Variants in DPP6 observed in about 807,000 individuals in gnomAD.
The protein encoded by DPP6 is dipeptidyl peptidase like 6, also known as A-type potassium channel modulatory protein DPP6.
Under a neutral mutation model 122.6 loss-of-function variants are expected in DPP6, and 69 were observed. The ratio of observed to expected loss-of-function variants is 0.56; its 90% CI spans 0.46 to 0.69. DPP6 has a LOEUF of 0.69. Among genes scored for constraint, DPP6 ranks in the 30% least tolerant of loss-of-function variants. The pLI is 0.00. For synonymous variants in DPP6, 418 were observed against 433.1 expected (o/e 0.97, Z 0.43); for missense variants, 928 against 1,116.9 (o/e 0.83, Z 2.41).
At chr7:154,352,287 C>T (rs1810926293) in intron 1 of DPP6, among the ~76,000 whole-genome samples, 1 of 151,910 alleles carries the variant, frequency 6.6e-6, no homozygotes, top group Admixed American at 6.6e-5. Flanking sequence ...CACAGTGAGA[C>T]ATCATCTCTA....
intron 1 of DPP6, among the ~76,000 whole-genome samples, chr7:154,315,109 T>C (rs1408186126): frequency 6.6e-6 from 1 of 152,224 alleles, no homozygotes; most frequent in Non-Finnish European, 1.5e-5. Context: ...GATGTTACCG[T>C]TGTGTATCTC....
intron 17 of DPP6, among the ~76,000 whole-genome samples, chr7:154,855,874 T>A (rs970255402): frequency 6.6e-6 from 1 of 152,230 alleles, no homozygotes; most frequent in African/African-American, 2.4e-5. Context: ...TTTGATAAGA[T>A]TTAGAGTCCA....
At chr7:153,887,853 C>A in intron 1 of DPP6, 1 of 1,151,586 alleles carries the variant, frequency 8.7e-7, no homozygotes, top group South Asian at 2.3e-5. Context: ...ACCCCATGCC[C>A]GCGCGCGGCG....
chr7:154,653,533 A>G (rs1837019905), intron 6 of DPP6, among the ~76,000 whole-genome samples: 1 of 151,916 alleles, frequency 6.6e-6, no homozygotes, highest in Non-Finnish European at 1.5e-5. Flanking sequence ...AGATAGATAA[A>G]TGATAGATAG....
intron 1 of DPP6, among the ~76,000 whole-genome samples, chr7:154,414,364 G>GAATC (rs1455086080): frequency 1.3e-5 from 2 of 152,144 alleles, no homozygotes; most frequent in Admixed American, 1.3e-4. Flanking sequence ...TACATAGTGT[G>GAATC]AATCAATCAA....
chr7:154,200,465 T>C (rs1462820059), intron 1 of DPP6, among the ~76,000 whole-genome samples: 1 of 152,112 alleles, frequency 6.6e-6, no homozygotes, highest in African/African-American at 2.4e-5. Flanking sequence ...GGGTGGAGAT[T>C]GGAGGAGACC....
intron 4 of DPP6, among the ~76,000 whole-genome samples, chr7:154,544,295 G>C (rs796100772): frequency 1.7e-4 from 26 of 152,044 alleles, no homozygotes; most frequent in African/African-American, 6.3e-4. Context: ...TTTTTGAAGT[G>C]CTTGTCTACA....
intron 18 of DPP6, among the ~76,000 whole-genome samples, chr7:154,868,417 G>A (rs56110107): frequency 0.073 from 11,113 of 152,226 alleles, 1,317 homozygotes; most frequent in African/African-American, 0.25. Context: ...CTTCCCTCTG[G>A]AAATTCCCTT....
At chr7:154,625,633 T>G (rs1835017050) in intron 5 of DPP6, among the ~76,000 whole-genome samples, 1 of 152,170 alleles carries the variant, frequency 6.6e-6, no homozygotes, top group Non-Finnish European at 1.5e-5. Context: ...CACTTGACCC[T>G]CAGTGCTATG....
chr7:154,454,448 T>C (rs1487091647), intron 2 of DPP6, among the ~76,000 whole-genome samples: 1 of 152,162 alleles, frequency 6.6e-6, no homozygotes, highest in Non-Finnish European at 1.5e-5. Context: ...GAGAGGCCAT[T>C]GAGAACAGGA....
In DPP6 at chr7:154,652,964, C is replaced by T. The variant is rs144407736; in HGVS notation, c.680+15091C>T. ...CACCTGTCTGAACTGGCTCCGTTCA[C>T]GTCCATTCATTCTTTAAGGAACTTC... is the stretch of plus-strand genomic sequence containing the variant. On this transcript the variant is annotated intron_variant, in intron 6 of 25. Coordinates refer to ENST00000377770, the MANE Select transcript of DPP6 (RefSeq NM_130797.4). Among the ~76,000 whole-genome samples, 65 of 152,292 alleles carry T rather than the reference C, an allele frequency of 4.3e-4. 1 individual carries two copies. In the East Asian group the frequency reaches 0.012, roughly 28 times the overall value.
chr7:154,798,785 G>GT (rs1239623969), intron 12 of DPP6, among the ~76,000 whole-genome samples: 2 of 152,276 alleles, frequency 1.3e-5, no homozygotes, highest in South Asian at 2.1e-4. Flanking sequence ...TTATGACATT[G>GT]TTTTTTTCGT....
chr7:153,813,331 C>A, the DPP6 span, among the ~76,000 whole-genome samples: 2 of 152,220 alleles, frequency 1.3e-5, no homozygotes, highest in East Asian at 3.9e-4. Context: ...CCAATTTCAT[C>A]CATGTCCCTA....
chr7:153,894,698 C>A (rs1292400987), intron 1 of DPP6, among the ~76,000 whole-genome samples: 2 of 152,136 alleles, frequency 1.3e-5, no homozygotes. Flanking sequence ...CAGTACCCAC[C>A]CCTGGCCTAG....
chr7:153,819,066 C>CTTT, the DPP6 span, among the ~76,000 whole-genome samples: 2 of 91,378 alleles, frequency 2.2e-5, no homozygotes, highest in Middle Eastern at 4.8e-3. Context: ...TTTTTTTTCC[C>CTTT]CTTTTCTTTT....
intron 1 of DPP6, among the ~76,000 whole-genome samples, chr7:154,043,113 C>T (rs1799845344): frequency 1.3e-5 from 2 of 152,116 alleles, no homozygotes; most frequent in African/African-American, 4.8e-5. Context: ...ACTGGCTGGG[C>T]ACGGTGGCTC....
intron 5 of DPP6, among the ~76,000 whole-genome samples, chr7:154,635,537 T>C (rs1054250892): frequency 5.9e-5 from 9 of 152,260 alleles, no homozygotes; most frequent in African/African-American, 2.2e-4. Flanking sequence ...TCTCTGGATT[T>C]AAACTAGCTA....
chr7:154,851,985 G>A (rs2150574992), intron 16 of DPP6, among the ~76,000 whole-genome samples: 1 of 152,298 alleles, frequency 6.6e-6, no homozygotes, highest in East Asian at 1.9e-4. Context: ...CACAGTCTGT[G>A]TGTCTCAGCT....
chr7:154,530,986 G>C (rs982751039), intron 3 of DPP6, among the ~76,000 whole-genome samples: 1 of 152,048 alleles, frequency 6.6e-6, no homozygotes. Flanking sequence ...ACACACACTG[G>C]GGCCTATTGA....
Sources: gnomAD v4.1 joint callset for allele counts (sites outside exome capture counted in the v4.1 genomes callset) on GRCh38, gnomAD v4.1.1 for gene constraint, MANE v1.5 for transcripts, NCBI Gene and HGNC (gene_info 2026-07-23, HGNC 2026-07-21) for gene names.